The following PEX5L variants were observed in gnomAD, a reference collection of about 807,000 sequenced individuals.
PEX5L encodes the protein PEX5-related protein.
PEX5L carries 30 observed loss-of-function variants against 84.0 expected under a neutral mutation model. The observed-to-expected ratio is 0.36, with a 90% confidence interval of 0.27 to 0.48. The LOEUF (loss-of-function observed/expected upper bound fraction) is 0.48. PEX5L is among the 20% of genes least tolerant of loss of function. The probability of loss-of-function intolerance (pLI) is 0.99; values close to 1 mark genes in which losing one functional copy is unlikely to be tolerated. For synonymous variants in PEX5L, 270 were observed against 283.1 expected (o/e 0.95, Z 0.46); for missense variants, 533 against 754.6 (o/e 0.71, Z 3.44).
At chr3:179,976,978 G>A (rs986969497) in intron 1 of PEX5L, among the ~76,000 whole-genome samples, 7 of 152,176 alleles carry the variant, frequency 4.6e-5, no homozygotes, top group Non-Finnish European at 7.3e-5. Flanking sequence ...CGATCCTTTG[G>A]AGAGAAACTG....
rs1718693471 is a variant in PEX5L at position 179,800,965 on chromosome 3, C to T, written c.*863G>A. The T allele has an allele frequency of 6.6e-6, 1 of 152,524 alleles. No homozygotes were observed. The highest frequency in any genetic ancestry group is 6.5e-5 in the Admixed American group (1 of 15,270). 9.4% of individuals were successfully genotyped at this position (152,524 alleles called of 1,614,324 possible). A position where few individuals can be genotyped will look rare whatever the true frequency, so the allele number is the denominator to read the frequency against. ...TGTCTTACTTATGTTCATACAGACC[C>T]AGAAAGCACGTGAATGAAAAGATCT... On this transcript the variant is annotated 3_prime_UTR_variant, in exon 15 of 15. Coordinates refer to ENST00000467460, the MANE Select transcript of PEX5L (RefSeq NM_016559.3).
intron 2 of PEX5L, among the ~76,000 whole-genome samples, chr3:179,905,439 AT>A (rs899938454): frequency 1.3e-5 from 2 of 151,830 alleles, no homozygotes; most frequent in Admixed American, 6.6e-5. Context: ...CGCCCGGCTA[AT>A]TTTTTTGTGT....
intron 1 of PEX5L, among the ~76,000 whole-genome samples, chr3:179,995,545 C>G (rs940961316): frequency 1.3e-5 from 2 of 152,092 alleles, no homozygotes; most frequent in Admixed American, 6.6e-5. Context: ...TGTTTAGTGA[C>G]TCTATACATA....
At chr3:179,999,360 C>T (rs142934862) in intron 1 of PEX5L, among the ~76,000 whole-genome samples, 2 of 152,274 alleles carry the variant, frequency 1.3e-5, no homozygotes, top group Admixed American at 6.5e-5. Context: ...CCCCAGCCAC[C>T]CCTGTCATCG....
Position 179,807,748 on chromosome 3 carries a change from T to G in PEX5L, c.1602A>C (p.Ala534=), listed in dbSNP as rs551029526. 2 of 1,614,192 alleles carry G rather than the reference T, an allele frequency of 1.2e-6. No homozygotes were observed. The highest frequency in any genetic ancestry group is 2.2e-5 in the East Asian group (1 of 44,890). The change falls in exon 14 of 15, where the codon GCA becomes GCC. Residue 534 remains alanine, a synonymous_variant. Transcript: ENST00000467460. The part of the protein sequence containing the change: ...SEEAVEAYTR[A]LEIQPGFIRS... ...GGATGAATCCTGGCTGAATCTCCAG[T>G]GCTCGCGTATAGGCCTCCACGGCTT...
chr3:179,957,826 T>A (rs1780965849), intron 2 of PEX5L, among the ~76,000 whole-genome samples: 1 of 152,142 alleles, frequency 6.6e-6, no homozygotes, highest in South Asian at 2.1e-4. Flanking sequence ...AATACATGGT[T>A]GTTATTGGTT....
intron 8 of PEX5L, among the ~76,000 whole-genome samples, chr3:179,835,405 T>C (rs566935543): frequency 6.6e-6 from 1 of 152,296 alleles, no homozygotes; most frequent in African/African-American, 2.4e-5. Context: ...ATCATTTGAA[T>C]GTTCACAGAG....
intron 2 of PEX5L, among the ~76,000 whole-genome samples, chr3:179,927,646 A>T (rs922787072): frequency 2.0e-5 from 3 of 152,196 alleles, no homozygotes; most frequent in African/African-American, 7.2e-5. Flanking sequence ...CATTTCATTT[A>T]TTTGAAAAAT....
At chr3:179,969,096 T>TAC (rs1364148300) in intron 2 of PEX5L, among the ~76,000 whole-genome samples, 1 of 152,082 alleles carries the variant, frequency 6.6e-6, no homozygotes, top group Non-Finnish European at 1.5e-5. Flanking sequence ...GCATATAGCA[T>TAC]ACACAGCATT....
In PEX5L at chr3:179,875,453, C is replaced by A. The variant is rs781120885; in HGVS notation, c.530G>T (p.Trp177Leu). ...ATCTCCATGAAACTTAACATCGTCCCATTTTTCCAGTTGTGTTTGAATGTC... is the reference window on the plus strand; with the variant it reads ...ATCTCCATGAAACTTAACATCGTCCAATTTTTCCAGTTGTGTTTGAATGTC... ...DLDIQTQLEKWDDVKFHGDRN... is the reference protein window; with the variant it reads ...DLDIQTQLEKLDDVKFHGDRN... Residue 177 changes from tryptophan to leucine, a missense_variant, in exon 6 of 15, where the codon TGG becomes TTG. Around this residue, in one of 8 missense-constraint regions of PEX5L, gnomAD observed 259 missense variants for 301.7 expected, o/e 0.86. Coordinates refer to ENST00000467460, the MANE Select transcript of PEX5L (RefSeq NM_016559.3). 2 of 1,539,228 alleles carry A rather than the reference C, an allele frequency of 1.3e-6. No homozygotes were observed. The highest frequency in any genetic ancestry group is 1.1e-5 in the South Asian group (1 of 90,232).
chr3:179,902,089 A>T (rs1446453806), intron 2 of PEX5L: 1 of 152,314 alleles, frequency 6.6e-6, no homozygotes, highest in Non-Finnish European at 1.5e-5. Flanking sequence ...GCACTCTGGT[A>T]AATGTTTGAC....
intron 8 of PEX5L, among the ~76,000 whole-genome samples, chr3:179,855,100 G>A (rs1560396488): frequency 1.3e-5 from 2 of 152,114 alleles, no homozygotes; most frequent in Admixed American, 1.3e-4. Flanking sequence ...TGTGGGAGAG[G>A]AACAGAGAGA....
chr3:179,920,476 T>A (rs369142315), intron 2 of PEX5L, among the ~76,000 whole-genome samples: 1 of 152,188 alleles, frequency 6.6e-6, no homozygotes, highest in African/African-American at 2.4e-5. Context: ...AAATATTTTA[T>A]GTTATGAAGT....
chr3:179,825,831 G>A (rs917688684), intron 8 of PEX5L, among the ~76,000 whole-genome samples: 1 of 152,238 alleles, frequency 6.6e-6, no homozygotes, highest in Non-Finnish European at 1.5e-5. Flanking sequence ...CTTAGAACTT[G>A]TAACATCTAA....
At chr3:180,016,482 GTTGTTTAA>G (rs1402348720) in intron 1 of PEX5L, among the ~76,000 whole-genome samples, 1 of 152,126 alleles carries the variant, frequency 6.6e-6, no homozygotes, top group Non-Finnish European at 1.5e-5. Context: ...CTTTAATTTG[GTTGTTTAA>G]TTTGTCCTTG....
intron 2 of PEX5L, among the ~76,000 whole-genome samples, chr3:179,921,125 T>C (rs1053213452): frequency 1.3e-5 from 2 of 152,040 alleles, no homozygotes; most frequent in African/African-American, 4.8e-5. Context: ...CCCTAAAAGG[T>C]GGTACTTGGT....
chr3:179,809,703 T>G, intron 11 of PEX5L, 35 bp from the exon 12 acceptor site: 1 of 1,521,438 alleles, frequency 6.6e-7, no homozygotes, highest in Non-Finnish European at 8.9e-7. Flanking sequence ...TCAGATTTTT[T>G]TTTGAGCCAC....
At chr3:180,034,339 T>G (rs1283647746) in intron 1 of PEX5L, among the ~76,000 whole-genome samples, 2 of 152,210 alleles carry the variant, frequency 1.3e-5, no homozygotes, top group Non-Finnish European at 2.9e-5. Flanking sequence ...CCTGGTCCAC[T>G]TTACCAAATA....
intron 2 of PEX5L, among the ~76,000 whole-genome samples, chr3:179,958,399 T>C (rs531644322): frequency 2.0e-5 from 3 of 152,288 alleles, no homozygotes; most frequent in Admixed American, 2.0e-4. Flanking sequence ...CTTTGCCCCA[T>C]TGTGTATTGT....
Sources: allele counts gnomAD v4.1 joint callset (sites outside exome capture counted in the v4.1 genomes callset), GRCh38; gene constraint gnomAD v4.1.1; regional missense constraint gnomAD v4.1.1; transcripts MANE v1.5; gene names NCBI Gene and HGNC (gene_info 2026-07-23, HGNC 2026-07-21).